Variants in SLC9A9 observed in about 807,000 individuals in gnomAD.
SLC9A9 encodes the protein solute carrier family 9 member A9.
In SLC9A9, 62 loss-of-function variants were observed where a neutral mutation model predicts 77.8. That is an observed-to-expected ratio of 0.80 (90% CI 0.65 to 0.98). SLC9A9 has a LOEUF of 0.98. SLC9A9 is among the 50% of genes least tolerant of loss of function. SLC9A9 has a pLI of 0.00. For missense variants in SLC9A9, 775 were observed against 774.9 expected, an observed-to-expected ratio of 1.00 and a Z score of 0.00; for synonymous variants, 320 against 283.5, an observed-to-expected ratio of 1.13 and a Z score of -1.29.
At chr3:143,807,077 C>T (rs954904410) in intron 2 of SLC9A9, among the ~76,000 whole-genome samples, 19 of 152,050 alleles carry the variant, frequency 1.2e-4, no homozygotes, top group African/African-American at 3.4e-4. Flanking sequence ...GAAATGTGAC[C>T]GAAACAGGAG....
At chr3:143,271,135 C>T (rs546849990) in intron 14 of SLC9A9, among the ~76,000 whole-genome samples, 2 of 117,722 alleles carry the variant, frequency 1.7e-5, no homozygotes, top group South Asian at 2.4e-4. Context: ...ATAGTGTATA[C>T]AGAGTTTAGC....
At chr3:143,394,760 G>T (rs903283428) in intron 12 of SLC9A9, among the ~76,000 whole-genome samples, 2 of 152,136 alleles carry the variant, frequency 1.3e-5, no homozygotes, top group Admixed American at 1.3e-4. Context: ...AAAGTCTCAG[G>T]ATACAAAATC....
At chr3:143,711,091 G>T (rs970253626) in intron 4 of SLC9A9, among the ~76,000 whole-genome samples, 36 of 152,188 alleles carry the variant, frequency 2.4e-4, no homozygotes, top group Non-Finnish European at 1.2e-4. Flanking sequence ...TATCTTGTGA[G>T]TGATAAAAAT....
At chr3:143,432,539 G>C (rs1007466413) in intron 12 of SLC9A9, among the ~76,000 whole-genome samples, 1 of 152,106 alleles carries the variant, frequency 6.6e-6, no homozygotes, top group African/African-American at 2.4e-5. Context: ...GAGCTTTACC[G>C]AGAAAAGGTT....
intron 13 of SLC9A9, among the ~76,000 whole-genome samples, chr3:143,377,713 G>A (rs1245839525): frequency 6.6e-6 from 1 of 152,210 alleles, no homozygotes; most frequent in African/African-American, 2.4e-5. Context: ...GTGGAATGGG[G>A]AGAAATTTAT....
chr3:143,503,632 T>A, intron 9 of SLC9A9: 1 of 451,952 alleles, frequency 2.2e-6, no homozygotes, highest in Non-Finnish European at 4.4e-6. Context: ...TGCCCATGCC[T>A]TGGCAGTGCC....
At chr3:143,706,947 C>G (rs2108793373) in intron 4 of SLC9A9, among the ~76,000 whole-genome samples, 1 of 152,230 alleles carries the variant, frequency 6.6e-6, no homozygotes, top group South Asian at 2.1e-4. Flanking sequence ...AAAGCTGCCT[C>G]CAATTTTTGG....
In SLC9A9 at chr3:143,652,257, T is replaced by C. The variant is rs760738133; in HGVS notation, c.753A>G (p.Thr251=). 22 of 1,609,266 alleles carry C rather than the reference T, an allele frequency of 1.4e-5. No homozygotes were observed. Among genetic ancestry groups the C allele is most frequent in the Admixed American group, 8.4e-5 (5 of 59,800 alleles). ...ATAGGCCAAGTTCTGGTACTTACTA[T>C]GTAAGGACTATGGCCACTGCATCAT... The part of the protein sequence containing the change: ...VLNDAVAIVL[T]YSISIYSPKE... The change falls in exon 6 of 16, where the codon ACA becomes ACG. Residue 251 remains threonine, a splice_region_variant and synonymous_variant. Coordinates refer to ENST00000316549, the MANE Select transcript of SLC9A9 (RefSeq NM_173653.4).
intron 8 of SLC9A9, among the ~76,000 whole-genome samples, chr3:143,559,882 G>A (rs1016122883): frequency 2.6e-5 from 4 of 152,102 alleles, no homozygotes; most frequent in African/African-American, 7.2e-5. Context: ...TAGTGAGTTC[G>A]GATGACTCTG....
At chr3:143,674,960 G>A (rs2039214768) in intron 5 of SLC9A9, among the ~76,000 whole-genome samples, 1 of 152,062 alleles carries the variant, frequency 6.6e-6, no homozygotes, top group Non-Finnish European at 1.5e-5. Flanking sequence ...AGTGCTACTA[G>A]CATCAACGAG....
intron 12 of SLC9A9, among the ~76,000 whole-genome samples, chr3:143,414,238 A>G (rs1198410671): frequency 6.6e-6 from 1 of 152,136 alleles, no homozygotes; most frequent in Non-Finnish European, 1.5e-5. Context: ...GTGTGTATGT[A>G]TCTTATGTGT....
intron 8 of SLC9A9, among the ~76,000 whole-genome samples, chr3:143,554,317 A>G (rs566246890): frequency 6.6e-6 from 1 of 152,346 alleles, no homozygotes; most frequent in African/African-American, 2.4e-5. Flanking sequence ...ACAGGCTCAC[A>G]ATGATTAAGC....
intron 14 of SLC9A9, among the ~76,000 whole-genome samples, chr3:143,308,921 C>T (rs1369019681): frequency 1.3e-5 from 2 of 152,142 alleles, no homozygotes; most frequent in Non-Finnish European, 2.9e-5. Context: ...TAAGTCACTT[C>T]AGCTTCTCTT....
intron 6 of SLC9A9, among the ~76,000 whole-genome samples, chr3:143,647,798 A>G (rs890571560): frequency 7.2e-5 from 11 of 151,942 alleles, no homozygotes; most frequent in Admixed American, 3.3e-4. Flanking sequence ...TTTGGTTGTG[A>G]GCACCTTTAT....
chr3:143,531,277 G>A (rs1210199415), intron 9 of SLC9A9, among the ~76,000 whole-genome samples: 1 of 152,172 alleles, frequency 6.6e-6, no homozygotes, highest in Non-Finnish European at 1.5e-5. Context: ...GGCAAGGAAA[G>A]CAAACCACAT....
intron 11 of SLC9A9, among the ~76,000 whole-genome samples, chr3:143,472,741 T>C (rs1458750196): frequency 6.6e-6 from 1 of 152,242 alleles, no homozygotes; most frequent in Non-Finnish European, 1.5e-5. Context: ...ATGGATGAAT[T>C]TTCTGATTCT....
At chr3:143,776,568 T>A (rs1336689197) in intron 4 of SLC9A9, among the ~76,000 whole-genome samples, 1 of 152,188 alleles carries the variant, frequency 6.6e-6, no homozygotes, top group Admixed American at 6.6e-5. Flanking sequence ...GTGGGCAATA[T>A]GCCATTCAAA....
At chr3:143,848,058 T>C in intron 1 of SLC9A9, 90 bp downstream of exon 1, 2 of 1,217,226 alleles carry the variant, frequency 1.6e-6, no homozygotes, top group Non-Finnish European at 2.4e-6. Context: ...GCACATTTTC[T>C]CCAGTTTCGG....
chr3:143,531,055 C>T (rs949218080), intron 9 of SLC9A9, among the ~76,000 whole-genome samples: 5 of 152,206 alleles, frequency 3.3e-5, no homozygotes, highest in Non-Finnish European at 7.3e-5. Flanking sequence ...GAGCCACAAA[C>T]ATTTTGTAAA....
Sources: gnomAD v4.1 joint callset for allele counts (sites outside exome capture counted in the v4.1 genomes callset) on GRCh38, gnomAD v4.1.1 for gene constraint, MANE v1.5 for transcripts, NCBI Gene and HGNC (gene_info 2026-07-23, HGNC 2026-07-21) for gene names.